DMD: variants seen among roughly 807,000 people sequenced by gnomAD.
DMD encodes dystrophin, also known as mutant dystrophin.
Under a neutral mutation model 330.1 loss-of-function variants are expected in DMD, and 63 were observed. That is an observed-to-expected ratio of 0.19 (90% CI 0.16 to 0.24). The LOEUF is 0.24. DMD is among the 10% of genes least tolerant of loss of function. The pLI is 1.00. For missense variants in DMD, 3,344 were observed against 2,684.1 expected (o/e 1.25, Z -5.43); for synonymous variants, 1,223 against 959.8 (o/e 1.27, Z -5.07).
In DMD at chrX:32,048,333, C is replaced by T. The variant is rs141716199; in HGVS notation, c.6439-79819G>A. Among the ~76,000 whole-genome samples, 278 of 105,537 alleles carry T rather than the reference C, an allele frequency of 2.6e-3. 1 individual carries two copies. Among genetic ancestry groups the T allele is most frequent in the African/African-American group, 9.1e-3 (265 of 29,074 alleles). 91.6% of individuals were successfully genotyped at this position (105,537 alleles called of 115,157 possible). On this transcript the variant is annotated intron_variant, in intron 44 of 78. Coordinates refer to ENST00000357033, the MANE Select transcript of DMD (RefSeq NM_004006.3). ...TTTTTTCATCTGGAGGCCTCCGTTC[C>T]CAAGCATGCTTTTAAATTTTTTTTT...
chrX:32,108,042 CT>C (rs1022372944), intron 44 of DMD, among the ~76,000 whole-genome samples: 6 of 111,465 alleles, frequency 5.4e-5, no homozygotes, highest in South Asian at 3.7e-4. Flanking sequence ...TCTCTACCCC[CT>C]GTCCCAAACT....
At chrX:31,237,750 C>T (rs1274340077) in intron 63 of DMD, among the ~76,000 whole-genome samples, 2 of 111,623 alleles carry the variant, frequency 1.8e-5, no homozygotes, top group Admixed American at 9.5e-5. Context: ...GACGGAGTCT[C>T]ATTCTCTCGC....
chrX:32,935,019 C>T (rs2089887392), intron 2 of DMD, among the ~76,000 whole-genome samples: 1 of 113,228 alleles, frequency 8.8e-6, no homozygotes. Flanking sequence ...AGTGCACTTC[C>T]CCAGGCTGGA....
intron 57 of DMD, among the ~76,000 whole-genome samples, chrX:31,481,296 G>A (rs1413354871): frequency 8.9e-6 from 1 of 112,199 alleles, no homozygotes; most frequent in Non-Finnish European, 1.9e-5. Flanking sequence ...ACAGGAATAT[G>A]TGTGCTTCAA....
intron 47 of DMD, among the ~76,000 whole-genome samples, chrX:31,904,043 A>G (rs180978856): frequency 2.7e-5 from 3 of 111,705 alleles, no homozygotes; most frequent in Non-Finnish European, 5.7e-5. Flanking sequence ...CATATGAATC[A>G]TCTGTATTTG....
Position 32,485,297 on chromosome X carries a change from T to C in DMD, c.2623-198A>G, listed in dbSNP as rs189988422. The stretch of plus-strand genomic sequence containing the variant: ...AAGGATACCTTGGCTCTTTGTTCAA[T>C]ATGTATCATCCTATATAATGATATT... On this transcript the variant is annotated intron_variant, in intron 20 of 78. Transcript: ENST00000357033. Among the ~76,000 whole-genome samples the C allele has an allele frequency of 4.5e-5, 5 of 111,631 alleles. No homozygotes were observed. In the East Asian group the frequency reaches 1.4e-3, roughly 31 times the overall value.
At chrX:32,713,426 T>C (rs933686309) in intron 7 of DMD, among the ~76,000 whole-genome samples, 1 of 111,170 alleles carries the variant, frequency 9.0e-6, no homozygotes, top group Admixed American at 9.6e-5. Context: ...GGGAAATTTC[T>C]CTATTATTTC....
rs915912814 is a variant in DMD at position 33,130,830 on chromosome X, C to A, written c.31+80452G>T. On this transcript the variant is annotated intron_variant, in intron 1 of 78. Coordinates refer to ENST00000357033, the MANE Select transcript of DMD (RefSeq NM_004006.3). ...CCTCCCAAAGTGCTGGGATTACAGG[C>A]GTGAGCCACAGCGCCTGGCCGGGAC... is the stretch of plus-strand genomic sequence containing the variant. Among the ~76,000 whole-genome samples the A allele has an allele frequency of 1.5e-4, 17 of 111,688 alleles. No homozygotes were observed. The Admixed American group carries it at 1.5e-3, about 10-fold the overall frequency.
At chrX:33,011,970 A>G (rs2093710490) in intron 2 of DMD, among the ~76,000 whole-genome samples, 1 of 111,691 alleles carries the variant, frequency 9.0e-6, no homozygotes, top group Non-Finnish European at 1.9e-5. Context: ...AGGTGTAATC[A>G]ATAATTCCAA....
At chrX:32,103,856 T>TC (rs1213579673) in intron 44 of DMD, among the ~76,000 whole-genome samples, 1 of 111,662 alleles carries the variant, frequency 9.0e-6, no homozygotes, top group African/African-American at 3.3e-5. Context: ...TAACCTTTTT[T>TC]CCCCCCAGTG....
chrX:32,722,291 TACA>T (rs371302163), intron 7 of DMD, among the ~76,000 whole-genome samples: 16 of 110,866 alleles, frequency 1.4e-4, no homozygotes, highest in Middle Eastern at 4.6e-3. Flanking sequence ...AAAAACTCAA[TACA>T]ACAACAAAAA....
At chrX:31,473,720 A>AAAAAAAAAAAAAAAAAAAAAAAAAG (rs1310270784) in intron 59 of DMD, among the ~76,000 whole-genome samples, 1 of 104,373 alleles carries the variant, frequency 9.6e-6, no homozygotes, top group African/African-American at 3.6e-5. Context: ...TCAAAAAAAA[A>AAAAAAAAAAAAAAAAAAAAAAAAAG]AAAAAAAAGA....
intron 44 of DMD, among the ~76,000 whole-genome samples, chrX:32,142,703 C>T (rs2096759444): frequency 8.9e-6 from 1 of 112,122 alleles, no homozygotes; most frequent in South Asian, 3.7e-4. Flanking sequence ...CAAAGCTTAC[C>T]TAAATTCTGA....
intron 44 of DMD, among the ~76,000 whole-genome samples, chrX:32,063,711 C>T (rs1490109900): frequency 9.0e-6 from 1 of 110,796 alleles, no homozygotes; most frequent in East Asian, 2.8e-4. Flanking sequence ...TTTGTAGGTA[C>T]ATAGTATGTA....
At chrX:32,565,074 T>C (rs2051529592) in intron 16 of DMD, among the ~76,000 whole-genome samples, 1 of 111,578 alleles carries the variant, frequency 9.0e-6, no homozygotes, top group Non-Finnish European at 1.9e-5. Context: ...TTTTAGTGAC[T>C]AAATCTTTAA....
intron 2 of DMD, among the ~76,000 whole-genome samples, chrX:33,000,629 C>T (rs12842136): frequency 0.16 from 18,258 of 111,120 alleles, 2,069 homozygotes; most frequent in African/African-American, 0.4. Context: ...GTGGCTATCC[C>T]GTGTTGCTGA....
rs761510367 is a variant in DMD, at chrX:33,002,696, C to T, written c.93+17443G>A. Among the ~76,000 whole-genome samples the T allele has an allele frequency of 6.4e-5, 7 of 109,171 alleles. No individual in the cohort carries two copies. The East Asian group carries it at 2.1e-3, about 32-fold the overall frequency. The allele number at this position is 109,171 out of a possible 115,157, so 94.8% of individuals were successfully genotyped here. On this transcript the variant is annotated intron_variant, in intron 2 of 78. Coordinates refer to ENST00000357033, the MANE Select transcript of DMD (RefSeq NM_004006.3). ...CTACACAGAAAAGGTGGGAGGTTTGCAAAGGGAGTAGCCTCTGGTCCTTAT... is the reference window on the plus strand; with the variant it reads ...CTACACAGAAAAGGTGGGAGGTTTGTAAAGGGAGTAGCCTCTGGTCCTTAT...
intron 47 of DMD, among the ~76,000 whole-genome samples, chrX:31,901,615 G>A (rs891996628): frequency 1.6e-4 from 18 of 111,347 alleles, no homozygotes; most frequent in African/African-American, 5.5e-4. Context: ...TCTCTCTTCC[G>A]CTTCACTGTA....
rs775206276 is a variant in DMD at position 32,683,457 on chromosome X, G to A, written c.960+14413C>T. 4.6e-5 allele frequency among the ~76,000 whole-genome samples: 5 copies of A among 109,406 alleles called. No homozygotes were observed. In the South Asian group the frequency reaches 2.0e-3, roughly 44 times the overall value. ...CCACATATACACCATGGAATACTAT[G>A]CAGCCATAAAAAAGGATGAGTTCAT... On this transcript the variant is annotated intron_variant, in intron 9 of 78. Coordinates refer to ENST00000357033, the MANE Select transcript of DMD (RefSeq NM_004006.3).
Sources: gnomAD v4.1 joint callset for allele counts (sites outside exome capture counted in the v4.1 genomes callset) on GRCh38, gnomAD v4.1.1 for gene constraint, MANE v1.5 for transcripts, NCBI Gene and HGNC (gene_info 2026-07-23, HGNC 2026-07-21) for gene names.